ESRRG: variants seen among roughly 807,000 people sequenced by gnomAD.
ESRRG encodes the protein estrogen-related receptor gamma.
ESRRG carries 13 observed loss-of-function variants against 44.0 expected under a neutral mutation model. The observed-to-expected ratio is 0.30, with a 90% CI of 0.19 to 0.47. The LOEUF is 0.47. ESRRG is among the 20% of genes least tolerant of loss of function. The pLI is 1.00. For synonymous variants in ESRRG, 215 were observed against 214.6 expected (o/e 1.00, Z -0.02); for missense variants, 395 against 580.6 (o/e 0.68, Z 3.29).
At chr1:217,115,555 G>A (rs2092714369) in intron 1 of ESRRG, among the ~76,000 whole-genome samples, 1 of 151,944 alleles carries the variant, frequency 6.6e-6, no homozygotes. Flanking sequence ...GAACATACCA[G>A]GCATGCTCCT....
intron 2 of ESRRG, among the ~76,000 whole-genome samples, chr1:216,674,671 G>A (rs1032793673): frequency 5.5e-5 from 8 of 145,700 alleles, no homozygotes; most frequent in Admixed American, 1.4e-4. Context: ...AGGCTGGAGT[G>A]CAATCATGGC....
chr1:216,970,637 C>A (rs1452635831), intron 1 of ESRRG, among the ~76,000 whole-genome samples: 1 of 152,146 alleles, frequency 6.6e-6, no homozygotes, highest in African/African-American at 2.4e-5. Flanking sequence ...GGTTTATCTG[C>A]ATCCCAGAAA....
chr1:216,591,374 C>A (rs543106018), intron 3 of ESRRG, among the ~76,000 whole-genome samples: 1 of 152,312 alleles, frequency 6.6e-6, no homozygotes, highest in African/African-American at 2.4e-5. Flanking sequence ...AAGCTCTGTG[C>A]CCCTCCCAGT....
chr1:216,552,573 G>A (rs946205733), intron 5 of ESRRG, among the ~76,000 whole-genome samples: 4 of 152,170 alleles, frequency 2.6e-5, no homozygotes, highest in African/African-American at 9.7e-5. Context: ...CATACAGTAG[G>A]TATTGCTAAC....
At chr1:216,891,805 T>C in intron 2 of ESRRG, among the ~76,000 whole-genome samples, 1 of 148,254 alleles carries the variant, frequency 6.7e-6, no homozygotes. Context: ...TTTTTTTTTT[T>C]TTTTTTTTTT....
intron 2 of ESRRG, among the ~76,000 whole-genome samples, chr1:216,651,743 A>T (rs1323674172): frequency 6.6e-6 from 1 of 152,154 alleles, no homozygotes; most frequent in Non-Finnish European, 1.5e-5. Flanking sequence ...GTGTTACATA[A>T]TTTGCATAAT....
chr1:216,663,019 C>T lies in ESRRG; in HGVS notation c.473-11930G>A, dbSNP rs894095317. On this transcript the variant is annotated intron_variant, in intron 2 of 6. Transcript: ENST00000408911. Reference sequence around the variant, plus strand: ...ATTATTTCCTTTCTTGCTCACGACTCTGTAAGGTAGTTTCCCCCAAGTTAG... The same window carrying T: ...ATTATTTCCTTTCTTGCTCACGACTTTGTAAGGTAGTTTCCCCCAAGTTAG... Among the ~76,000 whole-genome samples the T allele has an allele frequency of 3.9e-5, 6 of 152,202 alleles. 1 individual carries two copies. Among genetic ancestry groups the T allele is most frequent in the Admixed American group, 2.6e-4 (4 of 15,266 alleles).
chr1:216,549,855 C>G (rs1276130780), intron 5 of ESRRG, among the ~76,000 whole-genome samples: 1 of 152,008 alleles, frequency 6.6e-6, no homozygotes, highest in African/African-American at 2.4e-5. Context: ...TTTTGTTTTT[C>G]TTTATTTTTA....
intron 2 of ESRRG, among the ~76,000 whole-genome samples, chr1:216,729,546 C>T (rs2088278692): frequency 1.3e-5 from 2 of 152,156 alleles, no homozygotes; most frequent in East Asian, 3.9e-4. Flanking sequence ...CATACTGCCA[C>T]ATATACATTG....
chr1:216,894,311 G>A (rs1273311143), intron 2 of ESRRG, among the ~76,000 whole-genome samples: 1 of 152,130 alleles, frequency 6.6e-6, no homozygotes, highest in Non-Finnish European at 1.5e-5. Flanking sequence ...TAAAGCCAAT[G>A]CTCAATTTCT....
intron 1 of ESRRG, among the ~76,000 whole-genome samples, chr1:217,112,361 G>T (rs1339600726): frequency 6.6e-6 from 1 of 152,186 alleles, no homozygotes. Flanking sequence ...TGAGGAGATA[G>T]ATATGAAAGC....
At chr1:216,532,269 CA>C (rs1159793053) in intron 5 of ESRRG, among the ~76,000 whole-genome samples, 2 of 152,044 alleles carry the variant, frequency 1.3e-5, no homozygotes, top group Non-Finnish European at 2.9e-5. Context: ...CCATGGATTA[CA>C]GTGTGGACTG....
chr1:217,114,523 A>G (rs1344642504), intron 1 of ESRRG, among the ~76,000 whole-genome samples: 3 of 152,084 alleles, frequency 2.0e-5, no homozygotes, highest in South Asian at 2.1e-4. Flanking sequence ...CTTCATTCCA[A>G]TTGTACATTT....
At chr1:216,954,887 A>G (rs1015887225) in intron 1 of ESRRG, among the ~76,000 whole-genome samples, 1 of 152,082 alleles carries the variant, frequency 6.6e-6, no homozygotes, top group East Asian at 1.9e-4. Flanking sequence ...CAGCATATGG[A>G]GTTGGGTTTC....
At chr1:216,748,822 T>C (rs1374607632) in intron 2 of ESRRG, among the ~76,000 whole-genome samples, 2 of 152,116 alleles carry the variant, frequency 1.3e-5, no homozygotes, top group Non-Finnish European at 1.5e-5. Context: ...GTTGTCTCCA[T>C]CTAGAAATAA....
At chr1:216,947,082 AT>A (rs1182394179) in intron 1 of ESRRG, among the ~76,000 whole-genome samples, 1 of 151,964 alleles carries the variant, frequency 6.6e-6, no homozygotes, top group Non-Finnish European at 1.5e-5. Flanking sequence ...CTTAGCATCT[AT>A]TTTTTTTAAT....
chr1:216,653,493 T>C (rs1181788675), intron 2 of ESRRG, among the ~76,000 whole-genome samples: 1 of 152,222 alleles, frequency 6.6e-6, no homozygotes, highest in Non-Finnish European at 1.5e-5. Context: ...TTGCTATTAT[T>C]ACCTGACATG....
chr1:216,688,544 T>A (rs2078455363), intron 1 of ESRRG, among the ~76,000 whole-genome samples: 1 of 152,148 alleles, frequency 6.6e-6, no homozygotes, highest in East Asian at 1.9e-4. Context: ...AACAAGGCTT[T>A]GGTTCTCAGT....
intron 1 of ESRRG, among the ~76,000 whole-genome samples, chr1:216,695,781 A>T (rs1230785452): frequency 6.6e-6 from 1 of 152,196 alleles, no homozygotes; most frequent in Non-Finnish European, 1.5e-5. Flanking sequence ...TGAGTATCTG[A>T]TTCTAGATAC....
Sources: allele counts gnomAD v4.1 joint callset (sites outside exome capture counted in the v4.1 genomes callset), GRCh38; gene constraint gnomAD v4.1.1; transcripts MANE v1.5; gene names NCBI Gene and HGNC (gene_info 2026-07-23, HGNC 2026-07-21).